Variants in TBC1D2 observed in about 807,000 individuals in gnomAD.
TBC1D2 encodes the protein TBC1 domain family member 2, also known as TBC1 domain family member 2A.
A neutral mutation model predicts 91.1 loss-of-function variants in TBC1D2; 58 were observed. The observed-to-expected ratio is 0.64, with a 90% confidence interval of 0.52 to 0.79. TBC1D2 has a LOEUF of 0.79. Ranked by LOEUF, TBC1D2 falls within the 30% of genes least tolerant of loss-of-function variation. The pLI is 0.00. For missense variants in TBC1D2, 1,080 were observed against 1,208.3 expected (o/e 0.89, Z 1.57); for synonymous variants, 482 against 511.5 (o/e 0.94, Z 0.78).
intron 4 of TBC1D2, among the ~76,000 whole-genome samples, chr9:98,231,337 T>C (rs1239837173): frequency 2.8e-5 from 4 of 144,100 alleles, no homozygotes; most frequent in Non-Finnish European, 6.0e-5. Context: ...TCAAAAAGAA[T>C]TTAGGTGTTT....
intron 6 of TBC1D2, among the ~76,000 whole-genome samples, chr9:98,215,997 C>A (rs1193545298): frequency 6.6e-6 from 1 of 152,208 alleles, no homozygotes; most frequent in East Asian, 1.9e-4. Context: ...TATAACAACA[C>A]ATCAAAGACG....
chr9:98,214,163 C>T (rs576920890), intron 6 of TBC1D2, among the ~76,000 whole-genome samples: 10 of 152,308 alleles, frequency 6.6e-5, no homozygotes, highest in African/African-American at 2.2e-4. Flanking sequence ...TGAGTGCAAG[C>T]GATGCTGCAG....
In TBC1D2 at chr9:98,228,689, C is replaced by T. The variant is rs578041947; in HGVS notation, c.978+263G>A. Reference sequence around the variant, plus strand: ...GGTAGGGGGTGAGACCATGCATGGCCCTCCAGGAGGGGTCCAAGAGACAGT... The same window carrying T: ...GGTAGGGGGTGAGACCATGCATGGCTCTCCAGGAGGGGTCCAAGAGACAGT... On this transcript the variant is annotated intron_variant, in intron 5 of 12. Coordinates refer to ENST00000465784, the MANE Select transcript of TBC1D2 (RefSeq NM_001267571.2). The surrounding 1 kb of genome is among the most constrained non-coding windows in gnomAD (Gnocchi z 4.0). Among the ~76,000 whole-genome samples the T allele has an allele frequency of 4.6e-5, 7 of 152,292 alleles. No homozygotes were observed. The highest frequency in any genetic ancestry group is 4.1e-4 in the South Asian group (2 of 4,820).
rs771042747 is a variant in TBC1D2 at position 98,199,391 on chromosome 9, C to G, written c.2777G>C (p.Gly926Ala). 6.2e-7 allele frequency: 1 copy of G among 1,612,972 alleles called. No homozygotes were observed. Among genetic ancestry groups the G allele is most frequent in the Admixed American group, 1.7e-5 (1 of 60,014 alleles). Residue 926 changes from glycine to alanine, a missense_variant, in exon 13 of 13, where the codon GGG becomes GCG. Coordinates refer to ENST00000465784, the MANE Select transcript of TBC1D2 (RefSeq NM_001267571.2). Reference protein sequence around the residue: ...EGCASEDEVEGEA With the variant: ...EGCASEDEVEAEA ...GGGGAGGTGGCCAAGTCAGGCTTCCCCCTCCACCTCGTCCTCGCTGGCACA... is the reference window on the plus strand; with the variant it reads ...GGGGAGGTGGCCAAGTCAGGCTTCCGCCTCCACCTCGTCCTCGCTGGCACA...
chr9:98,204,958 A>C (rs1211503251), intron 9 of TBC1D2, among the ~76,000 whole-genome samples: 1 of 152,240 alleles, frequency 6.6e-6, no homozygotes, highest in Non-Finnish European at 1.5e-5. Flanking sequence ...AATTGATCAC[A>C]GTACTCTTTC....
At position 98,213,496 on chromosome 9, in the gene TBC1D2, C is replaced by T. The variant is rs935891319; in HGVS notation, c.1375-278G>A. ...AGGCAGGCCACTGAACCACTCTGACCCTCTGTTTCCTCATCTGTAAAAGGG... is the reference window on the plus strand; with the variant it reads ...AGGCAGGCCACTGAACCACTCTGACTCTCTGTTTCCTCATCTGTAAAAGGG... On this transcript the variant is annotated intron_variant, in intron 6 of 12. Coordinates refer to ENST00000465784, the MANE Select transcript of TBC1D2 (RefSeq NM_001267571.2). 4.9e-6 allele frequency: 5 copies of T among 1,017,016 alleles called. No individual in the cohort carries two copies. In the African/African-American group the frequency reaches 8.3e-5, roughly 17 times the overall value. 63.0% of individuals were successfully genotyped at this position (1,017,016 alleles called of 1,614,324 possible).
intron 7 of TBC1D2, among the ~76,000 whole-genome samples, chr9:98,212,755 C>T (rs1194561945): frequency 6.6e-6 from 1 of 152,134 alleles, no homozygotes; most frequent in Non-Finnish European, 1.5e-5. Context: ...CCACCCGCCT[C>T]GGCCTCCTAA....
chr9:98,205,657 G>C (rs1192701891), intron 9 of TBC1D2, among the ~76,000 whole-genome samples: 1 of 151,616 alleles, frequency 6.6e-6, no homozygotes, highest in South Asian at 2.1e-4. Context: ...TCAGCCTCCC[G>C]AGTAGCTAGA....
At chr9:98,217,809 C>T (rs571318700) in intron 6 of TBC1D2, among the ~76,000 whole-genome samples, 7 of 152,126 alleles carry the variant, frequency 4.6e-5, no homozygotes, top group East Asian at 3.9e-4. Context: ...AACTCCTGGG[C>T]GGCTCAAGTA....
At chr9:98,248,298 C>T (rs1829807251) in intron 2 of TBC1D2, among the ~76,000 whole-genome samples, 9 of 152,260 alleles carry the variant, frequency 5.9e-5, no homozygotes. Context: ...CAGAGACCAG[C>T]ACTTCCCACA....
At chr9:98,218,881 G>A (rs1485129676) in intron 6 of TBC1D2, among the ~76,000 whole-genome samples, 4 of 152,188 alleles carry the variant, frequency 2.6e-5, no homozygotes. Flanking sequence ...CTCTACCGGG[G>A]CTTGCACAGT....
At position 98,251,817 on chromosome 9, in the gene TBC1D2, GC is replaced by G; in HGVS notation, c.478del (p.Ala160LeufsTer11). Reference sequence around the variant, plus strand: ...GAGGTGCAGGACGGGCCCATTCCCAGCCAGGGCGGCATCAGGGGTGGCAGGA... The same window carrying G: ...GAGGTGCAGGACGGGCCCATTCCCAGCAGGGCGGCATCAGGGGTGGCAGGA... The part of the protein sequence containing the change: ...APPATPDAAL[A>X]GNGPVLHLEL... On this transcript the variant is annotated frameshift_variant, in exon 2 of 13. Coordinates refer to ENST00000465784, the MANE Select transcript of TBC1D2 (RefSeq NM_001267571.2). LOFTEE classifies it high-confidence loss of function. 1 of 1,603,148 alleles carries G rather than the reference GC, an allele frequency of 6.2e-7. No homozygotes were observed. Among genetic ancestry groups the G allele is most frequent in the Non-Finnish European group, 8.5e-7 (1 of 1,175,584 alleles).
chr9:98,203,403 G>C lies in TBC1D2; in HGVS notation c.2156C>G (p.Ala719Gly), dbSNP rs201501022. Residue 719 changes from alanine to glycine, a missense_variant, in exon 10 of 13, where the codon GCG (alanine) becomes GGG (glycine). By Grantham distance (60) the Ala-to-Gly change is moderately conservative. Coordinates refer to ENST00000465784, the MANE Select transcript of TBC1D2 (RefSeq NM_001267571.2). Reference protein sequence around the residue: ...IGYCQGLNRLAAIALLVLEEE... With the variant: ...IGYCQGLNRLGAIALLVLEEE... ...CTCTAGGACCAGCAGGGCAATGGCC[G>C]CCAGCCTGGAGTAGTAGGGAAGGCC... is the stretch of plus-strand genomic sequence containing the variant. 3 of 1,613,962 alleles carry C rather than the reference G, an allele frequency of 1.9e-6. No individual in the cohort carries two copies. The highest frequency in any genetic ancestry group is 2.7e-5 in the African/African-American group (2 of 74,940).
chr9:98,218,396 C>G (rs913817685), intron 6 of TBC1D2, among the ~76,000 whole-genome samples: 2 of 139,268 alleles, frequency 1.4e-5, no homozygotes, highest in African/African-American at 5.4e-5. Context: ...GAAACCCCGT[C>G]TCTACTAAAA....
chr9:98,213,297 C>A (rs1828896033), intron 6 of TBC1D2, 79 bp from the exon 7 acceptor site: 14 of 1,571,606 alleles, frequency 8.9e-6, no homozygotes, highest in Non-Finnish European at 1.1e-5. Flanking sequence ...CTCAAATGAG[C>A]CCCCAAAGCT....
At chr9:98,207,648 G>T (rs1226542468) in intron 9 of TBC1D2, among the ~76,000 whole-genome samples, 4 of 152,242 alleles carry the variant, frequency 2.6e-5, no homozygotes, top group Non-Finnish European at 5.9e-5. Flanking sequence ...AAGACTCAGG[G>T]GCTGAGGTCT....
At chr9:98,224,175 C>T (rs1358982243) in intron 5 of TBC1D2, among the ~76,000 whole-genome samples, 9 of 137,272 alleles carry the variant, frequency 6.6e-5, no homozygotes, top group African/African-American at 1.4e-4. Context: ...CTAGCCTGGG[C>T]GACAGAGCGA....
At chr9:98,225,087 T>A (rs1232206970) in intron 5 of TBC1D2, among the ~76,000 whole-genome samples, 1 of 152,198 alleles carries the variant, frequency 6.6e-6, no homozygotes, top group Non-Finnish European at 1.5e-5. Context: ...AAAAATTACG[T>A]TCCTTTACCC....
At position 98,220,944 on chromosome 9, in the gene TBC1D2, G is replaced by A; in HGVS notation, c.1263C>T (p.Leu421=). 2 of 1,614,212 alleles carry A rather than the reference G, an allele frequency of 1.2e-6. No homozygotes were observed. Among genetic ancestry groups the A allele is most frequent in the Non-Finnish European group, 1.7e-6 (2 of 1,180,032 alleles). ...TGAAGTCCTGGGTGACCTTCTCAGA[G>A]AGCTTGCAGATGACCTGCTGCTTGG... ...NHAKQQVICK[L]SEKVTQDFTH... The change falls in exon 6 of 13, where the codon CTC becomes CTT. Residue 421 remains leucine, a synonymous_variant. Transcript: ENST00000465784.
Sources: allele counts gnomAD v4.1 joint callset (sites outside exome capture counted in the v4.1 genomes callset), GRCh38; gene constraint gnomAD v4.1.1; non-coding constraint Gnocchi (gnomAD v3.1); transcripts MANE v1.5; gene names NCBI Gene and HGNC (gene_info 2026-07-23, HGNC 2026-07-21).